The following DOCK3 variants were observed in gnomAD, a reference collection of about 807,000 sequenced individuals.
The protein encoded by DOCK3 is dedicator of cytokinesis protein 3.
Under a neutral mutation model 265.6 loss-of-function variants are expected in DOCK3, and 60 were observed. The ratio of observed to expected loss-of-function variants is 0.23; its 90% CI spans 0.18 to 0.28. The LOEUF (loss-of-function observed/expected upper bound fraction) is 0.28, where lower values mean the gene tolerates loss of function less well. DOCK3 is among the 10% of genes least tolerant of loss of function. The pLI is 1.00. For missense variants in DOCK3, 1,981 were observed against 2,594.3 expected, an observed-to-expected ratio of 0.76 and a Z score of 5.14; for synonymous variants, 881 against 938.0, an observed-to-expected ratio of 0.94 and a Z score of 1.11.
At chr3:50,736,858 G>A (rs1265922987) in intron 1 of DOCK3, among the ~76,000 whole-genome samples, 1 of 151,738 alleles carries the variant, frequency 6.6e-6, no homozygotes, top group Non-Finnish European at 1.5e-5. Context: ...CACCATGCCC[G>A]GCTAATTTTT....
chr3:51,151,711 C>T (rs1424167671), intron 10 of DOCK3, among the ~76,000 whole-genome samples: 7 of 152,126 alleles, frequency 4.6e-5, no homozygotes, highest in Non-Finnish European at 1.0e-4. Context: ...AGTCTCTCAG[C>T]ATTTGCTTGT....
intron 9 of DOCK3, among the ~76,000 whole-genome samples, chr3:51,114,402 A>G (rs1189037243): frequency 6.6e-6 from 1 of 152,208 alleles, no homozygotes; most frequent in Non-Finnish European, 1.5e-5. Flanking sequence ...ATTATTTCAC[A>G]CCAGCATCAA....
At chr3:50,843,692 G>A (rs1409369472) in intron 3 of DOCK3, among the ~76,000 whole-genome samples, 1 of 152,124 alleles carries the variant, frequency 6.6e-6, no homozygotes, top group Non-Finnish European at 1.5e-5. Context: ...GGGGGCTAAT[G>A]TGGTATTCAG....
chr3:50,809,058 A>G (rs2043587981), intron 2 of DOCK3, among the ~76,000 whole-genome samples: 1 of 152,248 alleles, frequency 6.6e-6, no homozygotes, highest in Non-Finnish European at 1.5e-5. Context: ...AAGATCTTTT[A>G]TAAAGATACA....
intron 32 of DOCK3, among the ~76,000 whole-genome samples, chr3:51,318,063 A>G (rs79746747): frequency 0.019 from 2,852 of 152,014 alleles, 101 homozygotes; most frequent in African/African-American, 0.066. Context: ...TGAGATTTTG[A>G]CTGGGATTGC....
At chr3:51,303,724 C>T (rs2082487352) in intron 27 of DOCK3, among the ~76,000 whole-genome samples, 1 of 152,186 alleles carries the variant, frequency 6.6e-6, no homozygotes, top group East Asian at 1.9e-4. Flanking sequence ...ACCTGGGTCC[C>T]TCCCACACCC....
At chr3:50,788,890 G>A (rs2042324336) in intron 2 of DOCK3, among the ~76,000 whole-genome samples, 1 of 152,194 alleles carries the variant, frequency 6.6e-6, no homozygotes, top group African/African-American at 2.4e-5. Context: ...TCCTTTGTTG[G>A]CCACCCCCCT....
chr3:50,680,299 C>G (rs1329421385), intron 1 of DOCK3, among the ~76,000 whole-genome samples: 1 of 150,058 alleles, frequency 6.7e-6, no homozygotes, highest in East Asian at 2.0e-4. Context: ...GCAACCTTCG[C>G]TTCCTGGGTT....
At chr3:51,033,327 T>C (rs1364542797) in intron 5 of DOCK3, among the ~76,000 whole-genome samples, 1 of 152,210 alleles carries the variant, frequency 6.6e-6, no homozygotes. Flanking sequence ...CTTCAGAAAG[T>C]AAACAAGCAA....
intron 5 of DOCK3, among the ~76,000 whole-genome samples, chr3:51,054,088 C>T (rs998252172): frequency 3.5e-5 from 5 of 143,674 alleles, no homozygotes; most frequent in African/African-American, 1.3e-4. Context: ...GGTAAACTTC[C>T]TCATTTGGTG....
At chr3:51,006,698 T>A (rs139083682) in intron 5 of DOCK3, among the ~76,000 whole-genome samples, 8,757 of 152,232 alleles carry the variant, frequency 0.058, 893 homozygotes, top group African/African-American at 0.2. Flanking sequence ...TATGTATACA[T>A]GTGCTGTGTT....
intron 5 of DOCK3, among the ~76,000 whole-genome samples, chr3:50,937,226 A>G: frequency 6.6e-6 from 1 of 151,330 alleles, no homozygotes; most frequent in East Asian, 1.9e-4. Flanking sequence ...TCAGTAAGCC[A>G]AGATTGTGCC....
intron 9 of DOCK3, among the ~76,000 whole-genome samples, chr3:51,106,531 C>T (rs1481948989): frequency 6.6e-6 from 1 of 152,192 alleles, no homozygotes; most frequent in Admixed American, 6.5e-5. Flanking sequence ...CCCTTGCTTC[C>T]CCCTGCCACA....
At chr3:51,024,620 A>G (rs2079738833) in intron 5 of DOCK3, among the ~76,000 whole-genome samples, 1 of 152,218 alleles carries the variant, frequency 6.6e-6, no homozygotes, top group Non-Finnish European at 1.5e-5. Flanking sequence ...TTCAGATCAG[A>G]CAGGCACCTC....
chr3:51,336,943 T>G, intron 35 of DOCK3: 5 of 454,510 alleles, frequency 1.1e-5, no homozygotes, highest in Non-Finnish European at 1.8e-5. Flanking sequence ...GACAGATGCC[T>G]TCTACCATTG....
intron 49 of DOCK3, among the ~76,000 whole-genome samples, chr3:51,364,471 G>C (rs1407658707): frequency 6.6e-6 from 1 of 152,140 alleles, no homozygotes; most frequent in Non-Finnish European, 1.5e-5. Flanking sequence ...TTCTTTTGCT[G>C]TGCAGAAGCT....
chr3:51,138,786 C>A (rs2084920002), intron 9 of DOCK3, among the ~76,000 whole-genome samples: 1 of 152,142 alleles, frequency 6.6e-6, no homozygotes, highest in African/African-American at 2.4e-5. Flanking sequence ...ATGATAGATT[C>A]TCTTGAAAAT....
At chr3:51,003,132 G>A (rs1370744976) in intron 5 of DOCK3, among the ~76,000 whole-genome samples, 1 of 152,180 alleles carries the variant, frequency 6.6e-6, no homozygotes, top group Non-Finnish European at 1.5e-5. Flanking sequence ...CTTCTTTTCA[G>A]TGCTTTGCAT....
chr3:51,142,571 T>C, intron 9 of DOCK3, among the ~76,000 whole-genome samples: 1 of 152,140 alleles, frequency 6.6e-6, no homozygotes, highest in African/African-American at 2.4e-5. Flanking sequence ...TCCCAGTAGT[T>C]TGTTTTTTAA....
Sources: gnomAD v4.1 joint callset for allele counts (sites outside exome capture counted in the v4.1 genomes callset) on GRCh38, gnomAD v4.1.1 for gene constraint, MANE v1.5 for transcripts, NCBI Gene and HGNC (gene_info 2026-07-23, HGNC 2026-07-21) for gene names.